Variants in CPEB3 observed in about 807,000 individuals in gnomAD.
CPEB3 encodes cytoplasmic polyadenylation element binding protein 3.
A neutral mutation model predicts 67.2 loss-of-function variants in CPEB3; 20 were observed. The ratio of observed to expected loss-of-function variants is 0.30; its 90% CI spans 0.21 to 0.43. The LOEUF (loss-of-function observed/expected upper bound fraction) is 0.43. Among genes scored for constraint, CPEB3 ranks in the 20% least tolerant of loss-of-function variants. The pLI is 1.00. For synonymous variants in CPEB3, 376 were observed against 393.1 expected (o/e 0.96, Z 0.51); for missense variants, 746 against 968.6 (o/e 0.77, Z 3.05).
At chr10:92,071,358 T>C (rs1277654279) in intron 9 of CPEB3, among the ~76,000 whole-genome samples, 2 of 152,080 alleles carry the variant, frequency 1.3e-5, no homozygotes, top group Non-Finnish European at 2.9e-5. Context: ...CAGATTTTTA[T>C]AAACAAATTT....
intron 4 of CPEB3, among the ~76,000 whole-genome samples, chr10:92,175,814 G>T (rs1848198817): frequency 6.6e-6 from 1 of 151,160 alleles, no homozygotes; most frequent in Non-Finnish European, 1.5e-5. Context: ...ACGTGGCCGG[G>T]TGTGGTGGCT....
rs1487487323 is a variant in CPEB3 at position 92,280,672 on chromosome 10, C to A, written c.-12+10254G>T. Among the ~76,000 whole-genome samples the A allele has an allele frequency of 5.3e-4, 76 of 142,832 alleles. 1 individual carries two copies. Among genetic ancestry groups the A allele is most frequent in the African/African-American group, 1.4e-3 (53 of 39,108 alleles). 93.7% of individuals were successfully genotyped at this position (142,832 alleles called of 152,430 possible). On this transcript the variant is annotated intron_variant, in intron 1 of 9. Coordinates refer to ENST00000265997, the MANE Select transcript of CPEB3 (RefSeq NM_014912.5). ...CGAGAGTGAAAAAAAAAAAAAAAAA[C>A]CAAACAAACAAAAACACAAATATAA...
intron 2 of CPEB3, among the ~76,000 whole-genome samples, chr10:92,195,255 C>T (rs1325464661): frequency 6.6e-6 from 1 of 152,168 alleles, no homozygotes; most frequent in African/African-American, 2.4e-5. Context: ...CATTTATCCT[C>T]TTCTATGGAC....
At chr10:92,190,010 GGCACAGGCCTGTAATCCCA>G (rs1199737146) in intron 3 of CPEB3, among the ~76,000 whole-genome samples, 2 of 152,022 alleles carry the variant, frequency 1.3e-5, no homozygotes, top group African/African-American at 4.8e-5. Context: ...CAGGCAGGGT[GGCACAGGCCTGTAATCCCA>G]GCACTTTAGG....
At chr10:92,216,687 G>T (rs1850419074) in intron 2 of CPEB3, 2 of 1,605,934 alleles carry the variant, frequency 1.2e-6, no homozygotes, top group South Asian at 2.2e-5. Flanking sequence ...GCAGCCACAG[G>T]CTCCAAGCGC....
At chr10:92,072,957 T>C (rs1427130706) in intron 9 of CPEB3, among the ~76,000 whole-genome samples, 1 of 150,586 alleles carries the variant, frequency 6.6e-6, no homozygotes, top group Non-Finnish European at 1.5e-5. Flanking sequence ...ACATGAGCCA[T>C]AAGGTAAGCC....
chr10:92,217,206 C>CAAAAAAAAAAAAAAAAAA (rs1163974877), intron 2 of CPEB3, among the ~76,000 whole-genome samples: 1 of 25,450 alleles, frequency 3.9e-5, no homozygotes, highest in African/African-American at 1.8e-4. Context: ...GACTCTGCCT[C>CAAAAAAAAAAAAAAAAAA]AAAAAAAAAA....
chr10:92,285,603 G>C (rs189045325), intron 1 of CPEB3, among the ~76,000 whole-genome samples: 4 of 152,200 alleles, frequency 2.6e-5, no homozygotes, highest in African/African-American at 9.6e-5. Context: ...GAACATTGGG[G>C]GACACATTCA....
chr10:92,154,338 A>T (rs1055140087), intron 4 of CPEB3, among the ~76,000 whole-genome samples: 2 of 151,138 alleles, frequency 1.3e-5, no homozygotes, highest in Non-Finnish European at 2.9e-5. Flanking sequence ...TGGGAAATAT[A>T]ATTGGGTATT....
intron 1 of CPEB3, among the ~76,000 whole-genome samples, chr10:92,255,015 C>A (rs966593206): frequency 6.6e-6 from 1 of 152,038 alleles, no homozygotes; most frequent in Non-Finnish European, 1.5e-5. Context: ...GTTCTCTTGT[C>A]TGTAACTCCT....
chr10:92,177,560 C>G (rs1370551549), intron 4 of CPEB3, among the ~76,000 whole-genome samples: 1 of 152,214 alleles, frequency 6.6e-6, no homozygotes. Flanking sequence ...TTGGTTTACA[C>G]AAACCTCGCC....
intron 2 of CPEB3, among the ~76,000 whole-genome samples, chr10:92,224,195 C>T (rs906119755): frequency 1.6e-4 from 25 of 152,174 alleles, no homozygotes; most frequent in Admixed American, 1.5e-3. Context: ...CCACCGTGCC[C>T]CTGATTGTTG....
chr10:92,106,814 CAAAAAAAAAAA>C (rs531195477), intron 7 of CPEB3, among the ~76,000 whole-genome samples: 13 of 55,988 alleles, frequency 2.3e-4, no homozygotes, highest in African/African-American at 1.0e-3. Flanking sequence ...GACTCTGTCT[CAAAAAAAAAAA>C]AAAAAAAAAA....
At chr10:92,273,064 G>A (rs552778647) in intron 1 of CPEB3, among the ~76,000 whole-genome samples, 2 of 152,246 alleles carry the variant, frequency 1.3e-5, no homozygotes, top group African/African-American at 2.4e-5. Context: ...GGAGATAAAC[G>A]AACCAGACTT....
At chr10:92,097,444 A>G (rs1424748033) in intron 7 of CPEB3, among the ~76,000 whole-genome samples, 1 of 152,212 alleles carries the variant, frequency 6.6e-6, no homozygotes, top group East Asian at 1.9e-4. Context: ...GTTTCTCTCT[A>G]AAGCACGTAT....
chr10:92,236,922 ACT>A (rs1347317104), intron 2 of CPEB3, among the ~76,000 whole-genome samples: 1 of 152,108 alleles, frequency 6.6e-6, no homozygotes, highest in African/African-American at 2.4e-5. Flanking sequence ...CTGCAGAAAG[ACT>A]CTTTTATTAA....
chr10:92,290,349 C>T (rs1041880961), intron 1 of CPEB3, among the ~76,000 whole-genome samples: 1 of 151,962 alleles, frequency 6.6e-6, no homozygotes, highest in African/African-American at 2.4e-5. Flanking sequence ...TTCCCCACCC[C>T]CGCCACTCCC....
At chr10:92,266,925 T>C (rs1283248392) in intron 1 of CPEB3, among the ~76,000 whole-genome samples, 1 of 152,058 alleles carries the variant, frequency 6.6e-6, no homozygotes, top group Non-Finnish European at 1.5e-5. Flanking sequence ...TCCCAGCTAC[T>C]TGGGAGGCTA....
At chr10:92,261,891 T>G (rs1852817844) in intron 1 of CPEB3, among the ~76,000 whole-genome samples, 1 of 152,218 alleles carries the variant, frequency 6.6e-6, no homozygotes, top group African/African-American at 2.4e-5. Flanking sequence ...AGTCCAAGAT[T>G]AGAATTCAAG....
Sources: gnomAD v4.1 joint callset for allele counts (sites outside exome capture counted in the v4.1 genomes callset) on GRCh38, gnomAD v4.1.1 for gene constraint, MANE v1.5 for transcripts, NCBI Gene and HGNC (gene_info 2026-07-23, HGNC 2026-07-21) for gene names.